Variants in RAB14 observed in about 807,000 individuals in gnomAD.
RAB14 encodes the protein RAB14, member RAS oncogene family, also known as ras-related protein Rab-14.
In RAB14, 3 loss-of-function variants were observed where a neutral mutation model predicts 31.1. The observed-to-expected ratio is 0.10, with a 90% CI of 0.04 to 0.25. The LOEUF (loss-of-function observed/expected upper bound fraction) is 0.25, where lower values mean the gene tolerates loss of function less well. Ranked by LOEUF, RAB14 falls within the 10% of genes least tolerant of loss-of-function variation. RAB14 has a pLI of 1.00. For missense variants in RAB14, 111 were observed against 260.1 expected, an observed-to-expected ratio of 0.43 and a Z score of 3.94; for synonymous variants, 85 against 84.9, an observed-to-expected ratio of 1.00 and a Z score of 0.00.
chr9:121,187,038 A>G lies in RAB14; in HGVS notation c.285-19T>C. On this transcript the variant is annotated intron_variant, in intron 4 of 7. Coordinates refer to ENST00000373840, the MANE Select transcript of RAB14 (RefSeq NM_016322.4). ...ACTTCTTCTGCAAAAATAAAAGTTT[A>G]AATTTGTGACTGCCATATAATTATA... The G allele has an allele frequency of 6.7e-7, 1 of 1,493,536 alleles. No individual in the cohort carries two copies. Among genetic ancestry groups the G allele is most frequent in the Non-Finnish European group, 9.0e-7 (1 of 1,108,722 alleles). 92.5% of individuals were successfully genotyped at this position (1,493,536 alleles called of 1,614,324 possible). A position where few individuals can be genotyped will look rare whatever the true frequency, so the allele number is the denominator to read the frequency against.
rs974833665 is a variant in RAB14 at position 121,187,072 on chromosome 9, A to C, written c.285-53T>G. 2.1e-5 allele frequency: 23 copies of C among 1,120,984 alleles called. 1 individual carries two copies. In the South Asian group the frequency reaches 3.3e-4, roughly 16 times the overall value. The allele number at this position is 1,120,984 out of a possible 1,614,324, so 69.4% of individuals were successfully genotyped here. A position where few individuals can be genotyped will look rare whatever the true frequency, so the allele number is the denominator to read the frequency against. On this transcript the variant is annotated intron_variant, in intron 4 of 7. Coordinates refer to ENST00000373840, the MANE Select transcript of RAB14 (RefSeq NM_016322.4). Reference sequence around the variant, plus strand: ...ACTGCCATATAATTATAGAAAAAAAACTTAAATATTTAAAATACATATTTA... The same window carrying C: ...ACTGCCATATAATTATAGAAAAAAACCTTAAATATTTAAAATACATATTTA...
chr9:121,190,427 A>G (rs2053680407), intron 4 of RAB14, 127 bp downstream of exon 4: 1 of 912,122 alleles, frequency 1.1e-6, no homozygotes, highest in Non-Finnish European at 1.5e-6. Flanking sequence ...TTAAGAAACC[A>G]TAAAAAACAA....
Position 121,179,921 on chromosome 9 carries a change from A to G in RAB14, c.*1475T>C, listed in dbSNP as rs1326543877. Reference sequence around the variant, plus strand: ...TATTTCAAATAAATTCTCAATTCCCAGCCACTGAATCATAAATGCAATAAA... The same window carrying G: ...TATTTCAAATAAATTCTCAATTCCCGGCCACTGAATCATAAATGCAATAAA... On this transcript the variant is annotated 3_prime_UTR_variant, in exon 8 of 8. Coordinates refer to ENST00000373840, the MANE Select transcript of RAB14 (RefSeq NM_016322.4). The G allele has an allele frequency of 6.6e-6, 1 of 152,476 alleles. No homozygotes were observed. Among genetic ancestry groups the G allele is most frequent in the Non-Finnish European group, 1.5e-5 (1 of 67,984 alleles). The allele number at this position is 152,476 out of a possible 1,614,324, so 9.4% of individuals were successfully genotyped here.
At chr9:121,183,833 T>C (rs975743171) in intron 5 of RAB14, among the ~76,000 whole-genome samples, 2 of 152,148 alleles carry the variant, frequency 1.3e-5, no homozygotes, top group Non-Finnish European at 2.9e-5. Context: ...AAGATTACGA[T>C]ATAGCTGAGT....
intron 1 of RAB14, among the ~76,000 whole-genome samples, 188 bp downstream of exon 1, chr9:121,201,451 A>G (rs892294229): frequency 2.0e-5 from 3 of 151,986 alleles, no homozygotes; most frequent in Non-Finnish European, 4.4e-5. Context: ...GCCCCCGCCC[A>G]GGAGTCCTGT....
intron 1 of RAB14, among the ~76,000 whole-genome samples, chr9:121,194,345 T>C (rs2053703611): frequency 6.6e-6 from 1 of 152,184 alleles, no homozygotes; most frequent in African/African-American, 2.4e-5. Flanking sequence ...AGCTTGTGTA[T>C]TAGAAGATAT....
intron 4 of RAB14, 98 bp from the exon 5 acceptor site, chr9:121,187,117 A>G (rs1436539180): frequency 5.9e-6 from 4 of 681,906 alleles, no homozygotes; most frequent in Non-Finnish European, 8.8e-6. Flanking sequence ...TCCTAAAATA[A>G]TAATTTTGCT....
intron 5 of RAB14, among the ~76,000 whole-genome samples, chr9:121,184,427 G>A (rs939234485): frequency 2.6e-5 from 4 of 152,182 alleles, no homozygotes; most frequent in African/African-American, 7.2e-5. Flanking sequence ...TTTACCTGGG[G>A]TGGGGAGGGG....
intron 7 of RAB14, among the ~76,000 whole-genome samples, chr9:121,182,644 T>C (rs969867424): frequency 2.6e-5 from 4 of 152,196 alleles, no homozygotes; most frequent in Admixed American, 6.5e-5. Context: ...AACACTGTCA[T>C]TTGGGAAAAG....
chr9:121,182,530 T>C (rs2053638825), intron 7 of RAB14, among the ~76,000 whole-genome samples: 1 of 152,236 alleles, frequency 6.6e-6, no homozygotes, highest in Admixed American at 6.5e-5. Flanking sequence ...GTAGACACTA[T>C]TCCCTTAAAT....
At position 121,201,317 on chromosome 9, in the gene RAB14, C is replaced by G. The variant is rs543568705; in HGVS notation, c.-8+322G>C. Among the ~76,000 whole-genome samples, 958 of 152,194 alleles carry G rather than the reference C, an allele frequency of 6.3e-3. 17 individuals are homozygous for G. The highest frequency in any genetic ancestry group is 0.022 in the African/African-American group (915 of 41,538). ...GGGGCCCGCGGGAGATGCGGTCCTG[C>G]CCAGCCGCGCCGAGAAGGCGGGGAA... On this transcript the variant is annotated intron_variant, in intron 1 of 7. Coordinates refer to ENST00000373840, the MANE Select transcript of RAB14 (RefSeq NM_016322.4).
chr9:121,199,736 C>T (rs899064017), intron 1 of RAB14, among the ~76,000 whole-genome samples: 2 of 152,098 alleles, frequency 1.3e-5, no homozygotes, highest in Non-Finnish European at 2.9e-5. Context: ...CAATAACTGC[C>T]ATTTATTGAG....
chr9:121,189,778 G>A lies in RAB14; in HGVS notation c.284+776C>T, dbSNP rs1271334000. ...ATGCTTTAAACTCTAATTATCACTT[G>A]GTCCCACTCGCCCATCTTTACCCCC... On this transcript the variant is annotated intron_variant, in intron 4 of 7. Coordinates refer to ENST00000373840, the MANE Select transcript of RAB14 (RefSeq NM_016322.4). Among the ~76,000 whole-genome samples, 12 of 152,124 alleles carry A rather than the reference G, an allele frequency of 7.9e-5. No individual in the cohort carries two copies. In the East Asian group the frequency reaches 2.3e-3, roughly 29 times the overall value.
intron 4 of RAB14, 45 bp from the exon 5 acceptor site, chr9:121,187,064 G>GA (rs748240673): frequency 4.7e-5 from 56 of 1,192,802 alleles, no homozygotes; most frequent in Non-Finnish European, 5.1e-5. Context: ...TATAATTATA[G>GA]AAAAAAAACT....
chr9:121,186,817 C>A (rs2053662015), intron 5 of RAB14, 136 bp downstream of exon 5: 2 of 485,960 alleles, frequency 4.1e-6, no homozygotes, highest in South Asian at 4.8e-5. Context: ...AGGTTTTCTT[C>A]AACTAATTGA....
In RAB14 at chr9:121,187,021, T is replaced by C; in HGVS notation, c.285-2A>G. The C allele has an allele frequency of 6.5e-7, 1 of 1,541,748 alleles. No homozygotes were observed. The highest frequency in any genetic ancestry group is 8.7e-7 in the Non-Finnish European group (1 of 1,146,556). ...CTTAAGTGGTTATATGTACTTCTTC[T>C]GCAAAAATAAAAGTTTAAATTTGTG... On this transcript the variant is annotated splice_acceptor_variant, in intron 4 of 7. Coordinates refer to ENST00000373840, the MANE Select transcript of RAB14 (RefSeq NM_016322.4). LOFTEE classifies it high-confidence loss of function.
chr9:121,182,633 A>C (rs1226251290), intron 7 of RAB14, among the ~76,000 whole-genome samples: 1 of 152,264 alleles, frequency 6.6e-6, no homozygotes, highest in Non-Finnish European at 1.5e-5. Context: ...GTGAAAAGTC[A>C]AACACTGTCA....
chr9:121,182,819 T>C lies in RAB14; in HGVS notation c.470+111A>G, dbSNP rs2053640248. The C allele has an allele frequency of 5.5e-6, 4 of 733,854 alleles. No individual in the cohort carries two copies. The South Asian group carries it at 1.4e-4, about 25-fold the overall frequency. 45.5% of individuals were successfully genotyped at this position (733,854 alleles called of 1,614,324 possible). A position where few individuals can be genotyped will look rare whatever the true frequency, so the allele number is the denominator to read the frequency against. Reference sequence around the variant, plus strand: ...TTCTTCCTGCAGTAAGCATTACACATTTATAGATAGTACTTTATATGTGTA... The same window carrying C: ...TTCTTCCTGCAGTAAGCATTACACACTTATAGATAGTACTTTATATGTGTA... On this transcript the variant is annotated intron_variant, in intron 7 of 7. Transcript: ENST00000373840.
intron 6 of RAB14, 47 bp from the exon 7 acceptor site, chr9:121,183,007 A>G (rs1457207833): frequency 9.8e-6 from 15 of 1,537,762 alleles, no homozygotes; most frequent in African/African-American, 1.4e-5. Flanking sequence ...AAACTAACTC[A>G]CAAGTGCACT....
Sources: allele counts gnomAD v4.1 joint callset (sites outside exome capture counted in the v4.1 genomes callset), GRCh38; gene constraint gnomAD v4.1.1; transcripts MANE v1.5; gene names NCBI Gene and HGNC (gene_info 2026-07-23, HGNC 2026-07-21).